RAP1GDS1: variants seen among roughly 807,000 people sequenced by gnomAD.
RAP1GDS1 encodes Rap1 GTPase-GDP dissociation stimulator 1, also known as RAP1, GTP-GDP dissociation stimulator 1.
A neutral mutation model predicts 71.1 loss-of-function variants in RAP1GDS1; 35 were observed. The observed-to-expected ratio is 0.49, with a 90% CI of 0.38 to 0.65. RAP1GDS1 has a LOEUF of 0.65. Among genes scored for constraint, RAP1GDS1 ranks in the 30% least tolerant of loss-of-function variants. RAP1GDS1 has a pLI of 0.00. For missense variants in RAP1GDS1, 663 were observed against 706.1 expected (o/e 0.94, Z 0.69); for synonymous variants, 229 against 243.1 (o/e 0.94, Z 0.54).
intron 12 of RAP1GDS1, among the ~76,000 whole-genome samples, chr4:98,426,857 CA>C (rs1561004013): frequency 6.6e-6 from 1 of 151,920 alleles, no homozygotes; most frequent in African/African-American, 2.4e-5. Context: ...GAATCCTCCC[CA>C]AATCATTCTG....
chr4:98,276,332 C>T (rs908460455), intron 1 of RAP1GDS1, among the ~76,000 whole-genome samples: 1 of 152,038 alleles, frequency 6.6e-6, no homozygotes, highest in African/African-American at 2.4e-5. Context: ...ACAAACATTC[C>T]ATCTATAACA....
intron 2 of RAP1GDS1, among the ~76,000 whole-genome samples, chr4:98,308,333 G>C: frequency 2.5e-5 from 1 of 40,490 alleles, no homozygotes; most frequent in Non-Finnish European, 5.0e-5. Context: ...ATATATATAT[G>C]CGCCAGGCAT....
At chr4:98,334,554 A>G (rs931599616) in intron 2 of RAP1GDS1, among the ~76,000 whole-genome samples, 1 of 152,126 alleles carries the variant, frequency 6.6e-6, no homozygotes, top group Non-Finnish European at 1.5e-5. Flanking sequence ...TCACCCCCGC[A>G]TGGCAGAAAA....
At chr4:98,271,432 C>T (rs1013803161) in intron 1 of RAP1GDS1, among the ~76,000 whole-genome samples, 2 of 152,004 alleles carry the variant, frequency 1.3e-5, no homozygotes, top group Admixed American at 6.6e-5. Context: ...GTAAATACTC[C>T]CCCCATGGCT....
At position 98,363,394 on chromosome 4, in the gene RAP1GDS1, G is replaced by A. The variant is rs533934074; in HGVS notation, c.361+10793G>A. Among the ~76,000 whole-genome samples, 15 of 147,230 alleles carry A rather than the reference G, an allele frequency of 1.0e-4. No individual in the cohort carries two copies. The East Asian group carries it at 2.6e-3, about 26-fold the overall frequency. ...AGCTACTCTGGAGGCTGAGGTGGGA[G>A]GATCACTTGAGCCCAGGAGTTCTAG... On this transcript the variant is annotated intron_variant, in intron 4 of 14. Coordinates refer to ENST00000408927, the MANE Select transcript of RAP1GDS1 (RefSeq NM_001100427.2).
At chr4:98,296,838 TTTAAA>T (rs1323016044) in intron 2 of RAP1GDS1, 1 of 341,026 alleles carries the variant, frequency 2.9e-6, no homozygotes, top group African/African-American at 2.2e-5. Flanking sequence ...AAACTATTAG[TTTAAA>T]TTAAAGTCCC....
chr4:98,368,379 T>C (rs1299178963), intron 4 of RAP1GDS1, among the ~76,000 whole-genome samples: 1 of 152,168 alleles, frequency 6.6e-6, no homozygotes, highest in Non-Finnish European at 1.5e-5. Context: ...TATTACCTCA[T>C]CTTGGTTAAC....
intron 1 of RAP1GDS1, among the ~76,000 whole-genome samples, chr4:98,272,815 C>T (rs558055217): frequency 6.6e-6 from 1 of 152,304 alleles, no homozygotes; most frequent in South Asian, 2.1e-4. Flanking sequence ...ATAAAATCCA[C>T]TTCTTGTTGC....
intron 5 of RAP1GDS1, among the ~76,000 whole-genome samples, chr4:98,390,958 T>C (rs1322657985): frequency 6.6e-6 from 1 of 152,026 alleles, no homozygotes; most frequent in African/African-American, 2.4e-5. Context: ...TTGGGGAAAA[T>C]TATTAGCTTG....
chr4:98,307,720 GTATT>G (rs1372171399), intron 2 of RAP1GDS1, among the ~76,000 whole-genome samples: 3 of 152,138 alleles, frequency 2.0e-5, no homozygotes, highest in East Asian at 3.9e-4. Context: ...ATTTTTGTAT[GTATT>G]CAGCCACCTT....
At chr4:98,316,802 C>T (rs1462630335) in intron 2 of RAP1GDS1, among the ~76,000 whole-genome samples, 1 of 152,030 alleles carries the variant, frequency 6.6e-6, no homozygotes, top group Non-Finnish European at 1.5e-5. Flanking sequence ...AGGGAAGTCT[C>T]CTGAGAATAA....
intron 2 of RAP1GDS1, among the ~76,000 whole-genome samples, chr4:98,297,769 G>T (rs1232570192): frequency 6.6e-6 from 1 of 152,122 alleles, no homozygotes; most frequent in Non-Finnish European, 1.5e-5. Flanking sequence ...GCCTGTAAGT[G>T]TTCCAGTGAA....
At position 98,348,493 on chromosome 4, in the gene RAP1GDS1, T is replaced by G. The variant is rs894667499; in HGVS notation, c.236-3983T>G. On this transcript the variant is annotated intron_variant, in intron 3 of 14. Coordinates refer to ENST00000408927, the MANE Select transcript of RAP1GDS1 (RefSeq NM_001100427.2). Reference sequence around the variant, plus strand: ...TTGGGTATATACCCAGTAATGGGATTGCTGGGTCAAATGGTATTTCTAGTT... The same window carrying G: ...TTGGGTATATACCCAGTAATGGGATGGCTGGGTCAAATGGTATTTCTAGTT... Among the ~76,000 whole-genome samples, 4 of 152,144 alleles carry G rather than the reference T, an allele frequency of 2.6e-5. 1 individual carries two copies. The highest frequency in any genetic ancestry group is 7.2e-5 in the African/African-American group (3 of 41,438).
At chr4:98,372,125 A>G (rs1372824429) in intron 4 of RAP1GDS1, among the ~76,000 whole-genome samples, 2 of 149,382 alleles carry the variant, frequency 1.3e-5, no homozygotes. Flanking sequence ...CTTTTTTTGG[A>G]TTCTTCACAT....
At chr4:98,379,506 A>G (rs1394890584) in intron 5 of RAP1GDS1, 1 of 158,558 alleles carries the variant, frequency 6.3e-6, no homozygotes, top group Admixed American at 6.5e-5. Context: ...GAGTAGCTTT[A>G]AAATATGAAC....
At chr4:98,425,693 A>T (rs1466308047) in intron 12 of RAP1GDS1, among the ~76,000 whole-genome samples, 1 of 152,208 alleles carries the variant, frequency 6.6e-6, no homozygotes, top group African/African-American at 2.4e-5. Context: ...CTGAATATAT[A>T]TGCACCAAAC....
rs1243459733 is a variant in RAP1GDS1, at chr4:98,425,653, G to C, written c.1440+4259G>C. ...AGAGGGACATTATATAATGATAAAA[G>C]GCCTTGTCCAACAGGAAAATATCAC... On this transcript the variant is annotated intron_variant, in intron 12 of 14. Transcript: ENST00000408927. Among the ~76,000 whole-genome samples the C allele has an allele frequency of 2.6e-5, 4 of 152,142 alleles. No individual in the cohort carries two copies. The East Asian group carries it at 7.7e-4, about 29-fold the overall frequency.
chr4:98,289,477 T>G (rs1410095873), intron 1 of RAP1GDS1, among the ~76,000 whole-genome samples: 1 of 150,930 alleles, frequency 6.6e-6, no homozygotes, highest in African/African-American at 2.4e-5. Flanking sequence ...CACATGATGT[T>G]GTGTGAGAAA....
At chr4:98,282,541 T>A (rs971508112) in intron 1 of RAP1GDS1, among the ~76,000 whole-genome samples, 28 of 152,108 alleles carry the variant, frequency 1.8e-4, no homozygotes, top group South Asian at 8.3e-4. Context: ...TCAATTTTGT[T>A]GATCTTTTCA....
Sources: gnomAD v4.1 joint callset for allele counts (sites outside exome capture counted in the v4.1 genomes callset) on GRCh38, gnomAD v4.1.1 for gene constraint, MANE v1.5 for transcripts, NCBI Gene and HGNC (gene_info 2026-07-23, HGNC 2026-07-21) for gene names.